The following FAM185A variants were observed in gnomAD, a reference collection of about 807,000 sequenced individuals.
The protein encoded by FAM185A is family with sequence similarity 185 member A.
A neutral mutation model predicts 45.7 loss-of-function variants in FAM185A; 21 were observed. The observed-to-expected ratio is 0.46, with a 90% CI of 0.33 to 0.66. The LOEUF (loss-of-function observed/expected upper bound fraction) is 0.66. Among genes scored for constraint, FAM185A ranks in the 30% least tolerant of loss-of-function variants. The pLI is 0.03. For synonymous variants in FAM185A, 117 were observed against 194.0 expected (o/e 0.60, Z 3.30); for missense variants, 305 against 485.4 (o/e 0.63, Z 3.49).
At chr7:102,795,011 G>A (rs1281293959) in intron 7 of FAM185A, among the ~76,000 whole-genome samples, 2 of 152,226 alleles carry the variant, frequency 1.3e-5, no homozygotes, top group Non-Finnish European at 2.9e-5. Context: ...GAGAAGGACA[G>A]TATGACTTTA....
At chr7:102,775,010 G>GTTTTTTTTTTT in intron 5 of FAM185A, among the ~76,000 whole-genome samples, 1 of 79,996 alleles carries the variant, frequency 1.3e-5, no homozygotes. Context: ...TTTTGTTTTT[G>GTTTTTTTTTTT]TTTTTTTTTT....
the FAM185A span, among the ~76,000 whole-genome samples, chr7:102,846,402 G>A: frequency 3.9e-5 from 6 of 152,132 alleles, no homozygotes; most frequent in African/African-American, 1.2e-4. Flanking sequence ...CAGATCACCT[G>A]AGGTCAGGGG....
chr7:102,778,132 C>T (rs1436934459), intron 6 of FAM185A, among the ~76,000 whole-genome samples: 1 of 152,216 alleles, frequency 6.6e-6, no homozygotes, highest in African/African-American at 2.4e-5. Context: ...AAAATATTTC[C>T]TCACAGAGAC....
chr7:102,757,212 T>C (rs1793801775), intron 2 of FAM185A, among the ~76,000 whole-genome samples: 1 of 151,312 alleles, frequency 6.6e-6, no homozygotes, highest in African/African-American at 2.4e-5. Context: ...AGTGGGCTGT[T>C]AACCTAATGT....
intron 4 of FAM185A, among the ~76,000 whole-genome samples, chr7:102,768,977 G>A (rs183281899): frequency 3.3e-4 from 51 of 152,254 alleles, no homozygotes; most frequent in South Asian, 1.7e-3. Flanking sequence ...TTGTTGCTTG[G>A]TATACTTTTA....
At chr7:102,830,082 G>C in the FAM185A span, among the ~76,000 whole-genome samples, 8 of 152,164 alleles carry the variant, frequency 5.3e-5, no homozygotes, top group East Asian at 1.5e-3. Context: ...CTAAACCTTT[G>C]ATACAGAGTG....
the FAM185A span, among the ~76,000 whole-genome samples, chr7:102,845,428 A>G: frequency 1.3e-5 from 2 of 152,178 alleles, no homozygotes; most frequent in Non-Finnish European, 2.9e-5. Flanking sequence ...CAAGATATAT[A>G]TATTTCCTAT....
intron 3 of FAM185A, among the ~76,000 whole-genome samples, chr7:102,758,729 G>C (rs1250329341): frequency 1.3e-5 from 2 of 151,822 alleles, no homozygotes; most frequent in East Asian, 3.9e-4. Flanking sequence ...AATTGGTGGG[G>C]AGGAGTTGCA....
In FAM185A at chr7:102,749,301, T is replaced by C. The variant is rs1562837258; in HGVS notation, c.94T>C (p.Trp32Arg). Residue 32 changes from tryptophan to arginine, a missense_variant, in exon 1 of 8, where the codon TGG becomes CGG. This residue lies in a region of FAM185A where 174 missense variants were observed against 247.1 expected (regional missense o/e 0.70). Coordinates refer to ENST00000413034, the MANE Select transcript of FAM185A (RefSeq NM_001145268.2). ...GGCTGGCGCTGGGCGCTGGGCTTGC[T>C]GGGCTTGCCAAGCCAGGCCGTACAG... ...LWAGAGRWAC[W>R]ACQARPYSSG... The C allele has an allele frequency of 3.2e-6, 5 of 1,549,890 alleles. No homozygotes were observed. Among genetic ancestry groups the C allele is most frequent in the Non-Finnish European group, 4.4e-6 (5 of 1,146,774 alleles).
chr7:102,846,615 C>CA, the FAM185A span, among the ~76,000 whole-genome samples: 54,758 of 122,220 alleles, frequency 0.45, 12,537 homozygotes, highest in African/African-American at 0.66. Context: ...GACTCAGTCT[C>CA]AAAAAAAAAA....
chr7:102,772,374 T>C (rs1391351594), intron 4 of FAM185A, 35 bp from the exon 5 acceptor site: 5 of 1,379,598 alleles, frequency 3.6e-6, no homozygotes, highest in Non-Finnish European at 5.0e-6. Flanking sequence ...CTAGATTGTC[T>C]CTAGTACATA....
intron 7 of FAM185A, among the ~76,000 whole-genome samples, chr7:102,794,218 TTTA>T (rs764297091): frequency 1.4e-4 from 22 of 152,034 alleles, no homozygotes; most frequent in Non-Finnish European, 2.8e-4. Flanking sequence ...GGGGTTTTGT[TTTA>T]TTATTGTCTT....
chr7:102,836,474 C>T, the FAM185A span, among the ~76,000 whole-genome samples: 5 of 152,324 alleles, frequency 3.3e-5, no homozygotes, highest in African/African-American at 1.2e-4. Context: ...ACTTCTGGCT[C>T]CAATGCTGCA....
At chr7:102,829,950 A>G in the FAM185A span, among the ~76,000 whole-genome samples, 1 of 152,198 alleles carries the variant, frequency 6.6e-6, no homozygotes, top group African/African-American at 2.4e-5. Context: ...CATCTTCTCA[A>G]TCAGGATACT....
chr7:102,766,296 T>C (rs1261514157), intron 4 of FAM185A, among the ~76,000 whole-genome samples: 1 of 152,280 alleles, frequency 6.6e-6, no homozygotes, highest in African/African-American at 2.4e-5. Context: ...TTAGGCTCTA[T>C]TTTAAGTTCT....
intron 4 of FAM185A, among the ~76,000 whole-genome samples, chr7:102,769,694 AC>A (rs1262015769): frequency 6.6e-6 from 1 of 152,138 alleles, no homozygotes; most frequent in Non-Finnish European, 1.5e-5. Flanking sequence ...CTTATATATT[AC>A]AGTTCTGGAG....
At chr7:102,827,917 G>A in the FAM185A span, among the ~76,000 whole-genome samples, 1 of 151,938 alleles carries the variant, frequency 6.6e-6, no homozygotes, top group African/African-American at 2.4e-5. Context: ...ATTTCTGAGG[G>A]CTCTGTTCTG....
At position 102,763,726 on chromosome 7, in the gene FAM185A, C is replaced by G. The variant is rs1794231128; in HGVS notation, c.793+2315C>G. Among the ~76,000 whole-genome samples the G allele has an allele frequency of 2.6e-5, 4 of 152,294 alleles. No homozygotes were observed. The South Asian group carries it at 6.2e-4, about 24-fold the overall frequency. On this transcript the variant is annotated intron_variant, in intron 4 of 7. Coordinates refer to ENST00000413034, the MANE Select transcript of FAM185A (RefSeq NM_001145268.2). ...CTGAGGGCTGTCTGCCAGCAGTACTCCAATAGCTAGGAAAATAAGCCCTTC... is the reference window on the plus strand; with the variant it reads ...CTGAGGGCTGTCTGCCAGCAGTACTGCAATAGCTAGGAAAATAAGCCCTTC...
chr7:102,836,656 A>G, the FAM185A span, among the ~76,000 whole-genome samples: 1 of 152,250 alleles, frequency 6.6e-6, no homozygotes, highest in African/African-American at 2.4e-5. Context: ...GCAATCTGGA[A>G]GAAAACTTCC....
Sources: gnomAD v4.1 joint callset for allele counts (sites outside exome capture counted in the v4.1 genomes callset) on GRCh38, gnomAD v4.1.1 for gene constraint, gnomAD v4.1.1 regional missense constraint, MANE v1.5 for transcripts, NCBI Gene and HGNC (gene_info 2026-07-23, HGNC 2026-07-21) for gene names.